The following WDFY4 variants were observed in gnomAD, a reference collection of about 807,000 sequenced individuals.
WDFY4 encodes the protein WD repeat- and FYVE domain-containing protein 4.
WDFY4 carries 169 observed loss-of-function variants against 351.9 expected under a neutral mutation model. The ratio of observed to expected loss-of-function variants is 0.48; its 90% confidence interval spans 0.42 to 0.55. The LOEUF is 0.55. WDFY4 is among the 20% of genes least tolerant of loss of function. The probability of loss-of-function intolerance (pLI) is 0.00; values close to 1 mark genes in which losing one functional copy is unlikely to be tolerated. For missense variants in WDFY4, 3,803 were observed against 3,935.6 expected (o/e 0.97, Z 0.90); for synonymous variants, 1,622 against 1,574.6 (o/e 1.03, Z -0.71).
Position 48,774,536 on chromosome 10 carries a change from T to C in WDFY4, c.2632T>C (p.Cys878Arg). Reference sequence around the variant, plus strand: ...GTCGGAGAAGAACCGCCAGGTCATGTGCGAAGCAGGCTTGCTTGGGACCCT... The same window carrying C: ...GTCGGAGAAGAACCGCCAGGTCATGCGCGAAGCAGGCTTGCTTGGGACCCT... ...VKSEKNRQVM[C>R]EAGLLGTLMA... Residue 878 changes from cysteine to arginine, a missense_variant, in exon 14 of 62, where the codon TGC becomes CGC. Cys to Arg is a radical substitution (Grantham distance 180, BLOSUM62 -3). This residue lies in a region of WDFY4 where 3,054 missense variants were observed against 3,148.6 expected (regional missense o/e 0.97). Transcript: ENST00000325239. 3 of 1,551,738 alleles carry C rather than the reference T, an allele frequency of 1.9e-6. No homozygotes were observed. The highest frequency in any genetic ancestry group is 2.0e-5 in the Admixed American group (1 of 51,008).
chr10:48,959,292 T>C (rs1841748511), intron 52 of WDFY4, among the ~76,000 whole-genome samples: 1 of 152,182 alleles, frequency 6.6e-6, no homozygotes, highest in African/African-American at 2.4e-5. Flanking sequence ...AGTGAGGTGA[T>C]GTGTGGCCAG....
At chr10:48,720,672 C>G (rs748374387) in intron 3 of WDFY4, among the ~76,000 whole-genome samples, 1 of 152,058 alleles carries the variant, frequency 6.6e-6, no homozygotes. Context: ...ACAGAACACA[C>G]GGGACCACGG....
chr10:48,820,339 C>A lies in WDFY4; in HGVS notation c.5611C>A (p.Arg1871=), dbSNP rs555759540. 2 of 1,551,622 alleles carry A rather than the reference C, an allele frequency of 1.3e-6. No individual in the cohort carries two copies. The highest frequency in any genetic ancestry group is 2.4e-5 in the East Asian group (1 of 40,914). Residue 1871 remains arginine, a synonymous_variant, in exon 33 of 62, where the codon CGG becomes AGG. Coordinates refer to ENST00000325239, the MANE Select transcript of WDFY4 (RefSeq NM_001394531.1). ...GGCTCCCACCAAGGCACATCCCGCC[C>A]GGAGGAAGCTGAGGGAGTTCACGCA... is the stretch of plus-strand genomic sequence containing the variant. ...LQAPTKAHPA[R]RKLREFTQLL...
chr10:48,700,915 A>G (rs2063462255), intron 1 of WDFY4, among the ~76,000 whole-genome samples: 2 of 152,162 alleles, frequency 1.3e-5, no homozygotes, highest in African/African-American at 2.4e-5. Context: ...ACATACCACA[A>G]TCTATAAGTA....
intron 39 of WDFY4, among the ~76,000 whole-genome samples, chr10:48,857,938 C>A (rs973219702): frequency 2.0e-5 from 3 of 151,872 alleles, no homozygotes; most frequent in South Asian, 4.2e-4. Context: ...ATTACTGGCA[C>A]CTGCCACCAT....
intron 11 of WDFY4, among the ~76,000 whole-genome samples, chr10:48,742,380 A>G (rs917044090): frequency 6.6e-6 from 1 of 152,208 alleles, no homozygotes; most frequent in Non-Finnish European, 1.5e-5. Flanking sequence ...CCCCTCATCT[A>G]ATATAACCGA....
chr10:48,776,665 CGGCAGATACTTTGGGGTTATTG>C, intron 15 of WDFY4, 63 bp from the exon 16 acceptor site: 53 of 1,278,760 alleles, frequency 4.1e-5, no homozygotes, highest in Admixed American at 5.6e-5. Context: ...TTCTGGGCTG[CGGCAGATACTTTGGGGTTATTG>C]TCAGAAGCGA....
intron 13 of WDFY4, 24 bp from the exon 14 acceptor site, chr10:48,774,434 A>G (rs1427914242): frequency 2.1e-5 from 32 of 1,551,254 alleles, no homozygotes; most frequent in Non-Finnish European, 2.8e-5. Context: ...TGGAGGGCTC[A>G]CAGCTTGCTT....
intron 5 of WDFY4, among the ~76,000 whole-genome samples, chr10:48,725,429 C>T (rs552556205): frequency 5.9e-5 from 9 of 152,180 alleles, no homozygotes; most frequent in East Asian, 5.8e-4. Context: ...AGGGGATTGG[C>T]GGGAACAAGG....
chr10:48,718,458 A>G (rs1214325912), intron 2 of WDFY4, among the ~76,000 whole-genome samples: 2 of 152,212 alleles, frequency 1.3e-5, no homozygotes, highest in East Asian at 1.9e-4. Flanking sequence ...TAGATGGAAG[A>G]GCTCAGCTTA....
rs189234528 is a variant in WDFY4 at position 48,918,346 on chromosome 10, T to C, written c.7586+16483T>C. Among the ~76,000 whole-genome samples the C allele has an allele frequency of 1.5e-3, 222 of 152,300 alleles. 1 individual carries two copies. The highest frequency in any genetic ancestry group is 2.5e-3 in the Non-Finnish European group (171 of 68,024). On this transcript the variant is annotated intron_variant, in intron 47 of 61. Transcript: ENST00000325239. ...TATGTTGTCTATAAAGAAAGTATAC[T>C]TTAAATAAGCAACAGTGAGTTGAAC...
chr10:48,963,989 A>G lies in WDFY4; in HGVS notation c.8371A>G (p.Thr2791Ala). The part of the protein sequence containing the change: ...YGDRMDLSSI[T>A]DPLIKSTILG... ...TGACAGAATGGACCTCAGCAGCATC[A>G]CTGACCCCCTCATCAAAAGCACCAT... is the stretch of plus-strand genomic sequence containing the variant. The change falls in exon 54 of 62, where the codon ACT becomes GCT. Residue 2791 changes from threonine to alanine, a missense_variant. Thr to Ala is a moderately conservative substitution (Grantham distance 58). Around this residue, in one of 3 missense-constraint regions of WDFY4, gnomAD observed 3,054 missense variants for 3,148.6 expected, o/e 0.97. Transcript: ENST00000325239. The G allele has an allele frequency of 1.9e-6, 3 of 1,550,618 alleles. No individual in the cohort carries two copies. The highest frequency in any genetic ancestry group is 2.6e-6 in the Non-Finnish European group (3 of 1,146,998).
chr10:48,896,618 CT>C (rs1564458875), intron 44 of WDFY4, among the ~76,000 whole-genome samples: 2 of 152,018 alleles, frequency 1.3e-5, no homozygotes, highest in African/African-American at 4.8e-5. Context: ...AGGTGCTGTC[CT>C]CATGCCTTGC....
At position 48,946,172 on chromosome 10, in the gene WDFY4, C is replaced by T. The variant is rs1429323299; in HGVS notation, c.7867+15C>T. On this transcript the variant is annotated intron_variant, in intron 50 of 61. Coordinates refer to ENST00000325239, the MANE Select transcript of WDFY4 (RefSeq NM_001394531.1). The stretch of plus-strand genomic sequence containing the variant: ...GAAAACTGAAGGTGAGTAGATCCAG[C>T]TTGATTTTTGGTGCAGTGTTATTCA... The T allele has an allele frequency of 3.9e-6, 6 of 1,531,478 alleles. No homozygotes were observed. Among genetic ancestry groups the T allele is most frequent in the Non-Finnish European group, 3.5e-6 (4 of 1,132,688 alleles). 94.9% of individuals were successfully genotyped at this position (1,531,478 alleles called of 1,614,324 possible).
At chr10:48,885,971 A>G (rs115867523) in intron 43 of WDFY4, among the ~76,000 whole-genome samples, 1 of 152,200 alleles carries the variant, frequency 6.6e-6, no homozygotes, top group Admixed American at 6.5e-5. Context: ...TACTTATTCC[A>G]TATGCCAATA....
rs571067045 is a variant in WDFY4, at chr10:48,910,879, C to T, written c.7586+9016C>T. Reference sequence around the variant, plus strand: ...GACGTGGACCAGCAAACCCTGGGCACCAGGTGGGCTCTGTAACCTCGATGT... The same window carrying T: ...GACGTGGACCAGCAAACCCTGGGCATCAGGTGGGCTCTGTAACCTCGATGT... On this transcript the variant is annotated intron_variant, in intron 47 of 61. Coordinates refer to ENST00000325239, the MANE Select transcript of WDFY4 (RefSeq NM_001394531.1). The T allele has an allele frequency of 1.5e-5, 15 of 984,194 alleles. No individual in the cohort carries two copies. The Admixed American group carries it at 3.7e-4, about 24-fold the overall frequency. The allele number at this position is 984,194 out of a possible 1,614,324, so 61.0% of individuals were successfully genotyped here. A position where few individuals can be genotyped will look rare whatever the true frequency, so the allele number is the denominator to read the frequency against.
intron 12 of WDFY4, 50 bp downstream of exon 12, chr10:48,743,598 C>G: frequency 6.7e-7 from 1 of 1,494,962 alleles, no homozygotes; most frequent in South Asian, 1.3e-5. Context: ...CTCCCATTCT[C>G]ACTCTAACGT....
intron 39 of WDFY4, among the ~76,000 whole-genome samples, chr10:48,840,187 T>A (rs1158922669): frequency 6.6e-6 from 1 of 152,208 alleles, no homozygotes; most frequent in East Asian, 1.9e-4. Flanking sequence ...CTATGTGGCC[T>A]GTATCATTGC....
rs917756417 is a variant in WDFY4 at position 48,684,914 on chromosome 10, C to T, written c.-105C>T. 4.6e-5 allele frequency: 7 copies of T among 152,410 alleles called. No individual in the cohort carries two copies. In the East Asian group the frequency reaches 1.3e-3, roughly 29 times the overall value. 9.4% of individuals were successfully genotyped at this position (152,410 alleles called of 1,614,324 possible). On this transcript the variant is annotated 5_prime_UTR_variant, in exon 1 of 62. Coordinates refer to ENST00000325239, the MANE Select transcript of WDFY4 (RefSeq NM_001394531.1). ...GAGGACTGACGATGTGGGGCCGGGT[C>T]CTCTTCCCCCGAGCCTGAGGGGCTG...
Sources: gnomAD v4.1 joint callset for allele counts (sites outside exome capture counted in the v4.1 genomes callset) on GRCh38, gnomAD v4.1.1 for gene constraint, gnomAD v4.1.1 regional missense constraint, MANE v1.5 for transcripts, NCBI Gene and HGNC (gene_info 2026-07-23, HGNC 2026-07-21) for gene names.